CRADD: variants seen among roughly 807,000 people sequenced by gnomAD.
CRADD encodes CARD and death domain containing adaptor protein.
Under a neutral mutation model 15.5 loss-of-function variants are expected in CRADD, and 9 were observed. The observed-to-expected ratio is 0.58, with a 90% confidence interval of 0.35 to 1.01. CRADD has a LOEUF of 1.01. CRADD is among the 50% of genes least tolerant of loss of function. The pLI is 0.02. For synonymous variants in CRADD, 118 were observed against 107.6 expected, an observed-to-expected ratio of 1.10 and a Z score of -0.60; for missense variants, 227 against 250.3, an observed-to-expected ratio of 0.91 and a Z score of 0.63.
chr12:93,858,298 T>A (rs375974501), intron 2 of CRADD, among the ~76,000 whole-genome samples: 53 of 152,306 alleles, frequency 3.5e-4, no homozygotes, highest in South Asian at 4.1e-4. Flanking sequence ...AAGAAAAGAA[T>A]GAGCCTGGCT....
chr12:93,761,348 G>GTTAGGAGGCTC (rs1252505263), intron 2 of CRADD, among the ~76,000 whole-genome samples: 5 of 152,134 alleles, frequency 3.3e-5, no homozygotes, highest in Admixed American at 3.3e-4. Context: ...AGGAGGACCA[G>GTTAGGAGGCTC]TTAGGAGGCT....
At position 93,679,078 on chromosome 12, in the gene CRADD, C is replaced by A; in HGVS notation, c.298+6C>A. The A allele has an allele frequency of 6.2e-7, 1 of 1,605,196 alleles. No individual in the cohort carries two copies. The highest frequency in any genetic ancestry group is 2.2e-5 in the East Asian group (1 of 44,792). ...CATGACCGACCTGCCTGCAGGTAGG[C>A]CTCAGAAAGATCACTTTGAACCAGC... On this transcript the variant is annotated splice_donor_region_variant and intron_variant, in intron 2 of 2. Coordinates refer to ENST00000332896, the MANE Select transcript of CRADD (RefSeq NM_003805.5).
chr12:93,752,733 G>C (rs762763279), intron 2 of CRADD, among the ~76,000 whole-genome samples: 5 of 152,116 alleles, frequency 3.3e-5, no homozygotes, highest in African/African-American at 9.7e-5. Flanking sequence ...TGGCAGGGGG[G>C]GCCTCATAAT....
At chr12:93,808,060 G>T (rs1379232093) in intron 2 of CRADD, among the ~76,000 whole-genome samples, 1 of 149,476 alleles carries the variant, frequency 6.7e-6, no homozygotes, top group Admixed American at 6.8e-5. Context: ...TTTAATTAGG[G>T]TGGGTGGGGA....
intron 2 of CRADD, among the ~76,000 whole-genome samples, chr12:93,686,843 GT>G (rs1955452563): frequency 1.3e-5 from 2 of 151,836 alleles, no homozygotes; most frequent in Admixed American, 6.6e-5. Context: ...TTCCCACTGA[GT>G]TTGAAATGGA....
intron 2 of CRADD, among the ~76,000 whole-genome samples, chr12:93,805,575 T>TATAAATAAATAAATAAATAA (rs10671111): frequency 6.7e-6 from 1 of 150,080 alleles, no homozygotes; most frequent in Admixed American, 6.7e-5. Flanking sequence ...GTTTTGTGTG[T>TATAAATAAATAAATAAATAA]ATAAATAAAT....
chr12:93,693,081 C>T (rs750502789), intron 2 of CRADD, among the ~76,000 whole-genome samples: 12 of 151,894 alleles, frequency 7.9e-5, no homozygotes, highest in Non-Finnish European at 1.0e-4. Flanking sequence ...AAAACAAAAA[C>T]CTATGGTATA....
intron 2 of CRADD, among the ~76,000 whole-genome samples, chr12:93,893,547 T>G (rs1008153367): frequency 2.0e-5 from 3 of 152,174 alleles, no homozygotes; most frequent in Non-Finnish European, 2.9e-5. Context: ...TTGTTTTAAT[T>G]TAAGAGTCAC....
intron 2 of CRADD, among the ~76,000 whole-genome samples, chr12:93,723,018 A>G (rs1187864405): frequency 2.6e-5 from 4 of 152,252 alleles, no homozygotes; most frequent in Non-Finnish European, 5.9e-5. Flanking sequence ...AAATTTTGGC[A>G]TAGGAAAGTT....
intron 2 of CRADD, among the ~76,000 whole-genome samples, chr12:93,835,015 C>T (rs1033575023): frequency 1.3e-5 from 2 of 152,214 alleles, no homozygotes; most frequent in Non-Finnish European, 2.9e-5. Context: ...TCTCTATAAA[C>T]ACTGCATCCT....
At chr12:93,866,302 T>C (rs1324535544) in intron 2 of CRADD, among the ~76,000 whole-genome samples, 1 of 152,172 alleles carries the variant, frequency 6.6e-6, no homozygotes, top group Non-Finnish European at 1.5e-5. Flanking sequence ...TAAATTTCCT[T>C]ACCCTTTCTC....
At chr12:93,759,694 C>A (rs1299725787) in intron 2 of CRADD, among the ~76,000 whole-genome samples, 1 of 152,030 alleles carries the variant, frequency 6.6e-6, no homozygotes, top group Non-Finnish European at 1.5e-5. Context: ...TTTTAGGAAC[C>A]AATTCAAAAA....
Position 93,850,243 on chromosome 12 carries a change from C to T in CRADD, c.572C>T (p.Pro191Leu). ...GGGCTGCGGGCTGTGGAGGTGGACC[C>T]CTCGCTGCTCCTGCACATGTTGGAG... ...HNGLRAVEVD[P>L]SLLLHMLE Residue 191 changes from proline (P) to leucine (L), a missense_variant, in exon 3 of 3, where the codon CCC becomes CTC. By Grantham distance (98) the Pro-to-Leu change is moderately conservative. Coordinates refer to ENST00000332896, the MANE Select transcript of CRADD (RefSeq NM_003805.5). The surrounding 1 kb of genome is among the most constrained non-coding windows in gnomAD (Gnocchi z 4.0). 1 of 1,605,534 alleles carries T rather than the reference C, an allele frequency of 6.2e-7. No individual in the cohort carries two copies. The highest frequency in any genetic ancestry group is 8.5e-7 in the Non-Finnish European group (1 of 1,175,710).
intron 2 of CRADD, among the ~76,000 whole-genome samples, chr12:93,745,171 C>T (rs1850169398): frequency 1.3e-5 from 2 of 152,148 alleles, no homozygotes; most frequent in Admixed American, 1.3e-4. Context: ...GACGGGAGGG[C>T]ACACTTGCTT....
At chr12:93,867,615 A>T (rs1958381761) in intron 2 of CRADD, among the ~76,000 whole-genome samples, 1 of 152,008 alleles carries the variant, frequency 6.6e-6, no homozygotes, top group South Asian at 2.1e-4. Context: ...AATTGTAGTG[A>T]CCTAATTTAC....
intron 2 of CRADD, among the ~76,000 whole-genome samples, chr12:93,727,641 G>T (rs1243627699): frequency 6.6e-6 from 1 of 152,190 alleles, no homozygotes; most frequent in South Asian, 2.1e-4. Flanking sequence ...TTTTCCTGAA[G>T]TTATATGAGC....
intron 2 of CRADD, among the ~76,000 whole-genome samples, chr12:93,706,333 A>G (rs1955950688): frequency 6.6e-6 from 1 of 152,212 alleles, no homozygotes. Flanking sequence ...GTGTGAATTC[A>G]TAGTATGAAA....
chr12:93,827,534 G>A (rs1257186846), intron 2 of CRADD, among the ~76,000 whole-genome samples: 3 of 152,146 alleles, frequency 2.0e-5, no homozygotes, highest in African/African-American at 7.2e-5. Context: ...ACAAGTCTTT[G>A]CATGGACATG....
intron 2 of CRADD, among the ~76,000 whole-genome samples, chr12:93,841,742 G>A (rs147852788): frequency 1.3e-5 from 2 of 152,266 alleles, no homozygotes; most frequent in Non-Finnish European, 2.9e-5. Flanking sequence ...GACTTGACAT[G>A]GGCAGAGGAC....
Sources: allele counts gnomAD v4.1 joint callset (sites outside exome capture counted in the v4.1 genomes callset), GRCh38; gene constraint gnomAD v4.1.1; non-coding constraint Gnocchi (gnomAD v3.1); transcripts MANE v1.5; gene names NCBI Gene and HGNC (gene_info 2026-07-23, HGNC 2026-07-21).